Variants in RFX3 observed in about 807,000 individuals in gnomAD.
The protein encoded by RFX3 is regulatory factor X3.
Under a neutral mutation model 98.6 loss-of-function variants are expected in RFX3, and 14 were observed. The observed-to-expected ratio is 0.14, with a 90% CI of 0.09 to 0.22. The LOEUF (loss-of-function observed/expected upper bound fraction) is 0.22. Among genes scored for constraint, RFX3 ranks in the 10% least tolerant of loss-of-function variants. RFX3 has a pLI of 1.00. For synonymous variants in RFX3, 383 were observed against 328.4 expected, an observed-to-expected ratio of 1.17 and a Z score of -1.80; for missense variants, 639 against 926.9, an observed-to-expected ratio of 0.69 and a Z score of 4.03.
At chr9:3,260,887 A>G (rs963368576) in intron 13 of RFX3, among the ~76,000 whole-genome samples, 12 of 150,018 alleles carry the variant, frequency 8.0e-5, no homozygotes, top group African/African-American at 2.9e-4. Context: ...CTAATATAAA[A>G]TATTAGATAG....
intron 1 of RFX3, among the ~76,000 whole-genome samples, chr9:3,409,071 G>A (rs183045282): frequency 2.0e-5 from 3 of 152,254 alleles, no homozygotes; most frequent in South Asian, 2.1e-4. Flanking sequence ...TTTAATTTAC[G>A]TGAAAGTAAA....
chr9:3,377,221 T>A (rs1005760424), intron 2 of RFX3, among the ~76,000 whole-genome samples: 2 of 152,136 alleles, frequency 1.3e-5, no homozygotes, highest in African/African-American at 4.8e-5. Context: ...TAGACTGGAT[T>A]AAGAAAATGT....
rs1293836340 is a variant in RFX3, at chr9:3,222,798, G to T, written c.*2244C>A. Reference sequence around the variant, plus strand: ...TTGTCTTTTTGGGAGGAAAAAGGGGGACAGTAATTTAAATGACATTTAGAT... The same window carrying T: ...TTGTCTTTTTGGGAGGAAAAAGGGGTACAGTAATTTAAATGACATTTAGAT... On this transcript the variant is annotated 3_prime_UTR_variant, in exon 17 of 17. Coordinates refer to ENST00000617270, the MANE Select transcript of RFX3 (RefSeq NM_001282116.2). 6.6e-6 allele frequency: 1 copy of T among 152,138 alleles called. No homozygotes were observed. The highest frequency in any genetic ancestry group is 1.5e-5 in the Non-Finnish European group (1 of 68,020). 9.4% of individuals were successfully genotyped at this position (152,138 alleles called of 1,614,324 possible).
chr9:3,422,316 G>C (rs1173597194), intron 1 of RFX3, among the ~76,000 whole-genome samples: 1 of 152,184 alleles, frequency 6.6e-6, no homozygotes, highest in East Asian at 1.9e-4. Context: ...AAACAAACTT[G>C]GGCTTTGTGT....
In RFX3 at chr9:3,224,803, C is replaced by A; in HGVS notation, c.*239G>T. On this transcript the variant is annotated 3_prime_UTR_variant, in exon 17 of 17. Transcript: ENST00000617270. The stretch of plus-strand genomic sequence containing the variant: ...CATTGACATTAAGTGTTGTAAAAAT[C>A]CTTCTTGACACCTGAAACTAAGGGA... 2 of 391,578 alleles carry A rather than the reference C, an allele frequency of 5.1e-6. No homozygotes were observed. Among genetic ancestry groups the A allele is most frequent in the Non-Finnish European group, 4.5e-6 (1 of 220,506 alleles). The allele number at this position is 391,578 out of a possible 1,614,324, so 24.3% of individuals were successfully genotyped here. A position where few individuals can be genotyped will look rare whatever the true frequency, so the allele number is the denominator to read the frequency against.
chr9:3,303,347 G>C (rs1460414240), intron 4 of RFX3, among the ~76,000 whole-genome samples: 2 of 151,686 alleles, frequency 1.3e-5, no homozygotes, highest in African/African-American at 4.8e-5. Flanking sequence ...AGAGAAAACA[G>C]AGCAGAAAAC....
At chr9:3,280,896 T>C (rs917834689) in intron 7 of RFX3, among the ~76,000 whole-genome samples, 2 of 151,714 alleles carry the variant, frequency 1.3e-5, no homozygotes, top group African/African-American at 2.4e-5. Context: ...TCAATTAATA[T>C]TAGAAAAACA....
chr9:3,331,829 A>T lies in RFX3; in HGVS notation c.216-1312T>A, dbSNP rs946682030. On this transcript the variant is annotated intron_variant, in intron 3 of 16. Transcript: ENST00000617270. ...AGTAAACAATCTTACATAAGTTGGT[A>T]TCACTGCCCTCTTTACTTCCTAGTT... 2.0e-5 allele frequency among the ~76,000 whole-genome samples: 3 copies of T among 152,166 alleles called. No homozygotes were observed. In the East Asian group the frequency reaches 5.8e-4, roughly 29 times the overall value.
intron 1 of RFX3, among the ~76,000 whole-genome samples, chr9:3,522,465 C>T (rs1818814321): frequency 6.6e-6 from 1 of 152,138 alleles, no homozygotes; most frequent in Non-Finnish European, 1.5e-5. Flanking sequence ...AAGTTTACTT[C>T]TTCCCTATTC....
chr9:3,439,301 A>G (rs1184065936), intron 1 of RFX3, among the ~76,000 whole-genome samples: 1 of 151,962 alleles, frequency 6.6e-6, no homozygotes, highest in Non-Finnish European at 1.5e-5. Context: ...AGTAATGAGA[A>G]GAGAGAAAGT....
intron 2 of RFX3, 101 bp downstream of exon 2, chr9:3,395,371 T>C (rs1017130839): frequency 1.1e-5 from 15 of 1,371,024 alleles, no homozygotes; most frequent in Admixed American, 3.6e-5. Flanking sequence ...ATGCCTATCA[T>C]AGCAAGACAG....
chr9:3,283,542 G>A (rs564969048), intron 7 of RFX3, among the ~76,000 whole-genome samples: 76 of 151,774 alleles, frequency 5.0e-4, no homozygotes, highest in African/African-American at 1.8e-3. Flanking sequence ...CCTATATTAA[G>A]AAAGGCCATC....
chr9:3,456,444 C>A (rs562706776), intron 1 of RFX3, among the ~76,000 whole-genome samples: 2 of 152,142 alleles, frequency 1.3e-5, no homozygotes, highest in African/African-American at 4.8e-5. Context: ...TCCTAATTCC[C>A]TCATCCAAAC....
intron 1 of RFX3, among the ~76,000 whole-genome samples, chr9:3,421,978 G>T (rs1243058471): frequency 1.3e-5 from 2 of 149,684 alleles, no homozygotes; most frequent in Admixed American, 1.3e-4. Flanking sequence ...TGGGGATCAT[G>T]ATAGTGTTGT....
At chr9:3,277,790 A>C (rs906742180) in intron 7 of RFX3, among the ~76,000 whole-genome samples, 1 of 152,008 alleles carries the variant, frequency 6.6e-6, no homozygotes, top group East Asian at 1.9e-4. Context: ...CTTGAAAGTA[A>C]CTTTTAATGG....
intron 1 of RFX3, among the ~76,000 whole-genome samples, chr9:3,514,255 G>C (rs1430474084): frequency 6.6e-6 from 1 of 152,150 alleles, no homozygotes. Flanking sequence ...TCCTCCAAGA[G>C]ATGGATAATG....
chr9:3,263,002 A>C lies in RFX3; in HGVS notation c.1538T>G (p.Leu513Arg). Reference protein sequence around the residue: ...NHLAQAARAVLQNTSQINQML... With the variant: ...NHLAQAARAVRQNTSQINQML... ...CTGGTTGATTTGGGAAGTGTTCTGA[A>C]GCACTGCACGAGCTGCCTGGGCCAG... Residue 513 changes from leucine (L) to arginine (R), a missense_variant, in exon 13 of 17, where the codon CTT (leucine) becomes CGT (arginine). Coordinates refer to ENST00000617270, the MANE Select transcript of RFX3 (RefSeq NM_001282116.2). 6.2e-7 allele frequency: 1 copy of C among 1,613,898 alleles called. No individual in the cohort carries two copies. The highest frequency in any genetic ancestry group is 8.5e-7 in the Non-Finnish European group (1 of 1,179,820).
intron 1 of RFX3, among the ~76,000 whole-genome samples, chr9:3,474,242 G>C (rs768064250): frequency 1.3e-4 from 20 of 152,056 alleles, no homozygotes; most frequent in Admixed American, 3.3e-4. Context: ...AAAGGCCCTT[G>C]GTCCTAGTCA....
chr9:3,342,115 T>C (rs1031920825), intron 3 of RFX3, among the ~76,000 whole-genome samples: 1 of 152,214 alleles, frequency 6.6e-6, no homozygotes, highest in African/African-American at 2.4e-5. Context: ...GAGATGACTA[T>C]AGGTATAGTA....
Sources: gnomAD v4.1 joint callset for allele counts (sites outside exome capture counted in the v4.1 genomes callset) on GRCh38, gnomAD v4.1.1 for gene constraint, MANE v1.5 for transcripts, NCBI Gene and HGNC (gene_info 2026-07-23, HGNC 2026-07-21) for gene names.